Variants in PCDHGA5 observed in about 807,000 individuals in gnomAD.
PCDHGA5 encodes protocadherin gamma subfamily A, 5.
Under a neutral mutation model 56.7 loss-of-function variants are expected in PCDHGA5, and 36 were observed. That is an observed-to-expected ratio of 0.64 (90% CI 0.49 to 0.84). The LOEUF is 0.84. Ranked by LOEUF, PCDHGA5 falls within the 40% of genes least tolerant of loss-of-function variation. The pLI, the probability that PCDHGA5 is intolerant of heterozygous loss-of-function variation, is 0.00. For synonymous variants in PCDHGA5, 563 were observed against 520.2 expected (o/e 1.08, Z -1.12); for missense variants, 1,305 against 1,201.5 (o/e 1.09, Z -1.27).
intron 1 of PCDHGA5, chr5:141,367,307 G>A (rs540487021): frequency 1.3e-5 from 2 of 152,792 alleles, no homozygotes; most frequent in Non-Finnish European, 2.9e-5. Flanking sequence ...GGGAGGCTGA[G>A]GTGGGCGGAT....
chr5:141,372,313 A>G (rs774275406), intron 1 of PCDHGA5: 5 of 1,613,456 alleles, frequency 3.1e-6, no homozygotes, highest in Middle Eastern at 1.6e-4. Flanking sequence ...GCCGCCCGCC[A>G]GCGCCTGCTG....
At chr5:141,415,135 G>A (rs1224251849) in intron 1 of PCDHGA5, 7 of 1,613,666 alleles carry the variant, frequency 4.3e-6, no homozygotes, top group East Asian at 2.2e-5. Flanking sequence ...CCAGGACCAC[G>A]GCCAGCCCCC....
chr5:141,371,124 C>G, intron 1 of PCDHGA5: 1 of 1,613,998 alleles, frequency 6.2e-7, no homozygotes, highest in Non-Finnish European at 8.5e-7. Context: ...AGTATTTACT[C>G]AGGACATGTA....
chr5:141,493,206 C>A lies in PCDHGA5; in HGVS notation c.2422-1601C>A, dbSNP rs191090598. Among the ~76,000 whole-genome samples the A allele has an allele frequency of 2.4e-3, 368 of 152,322 alleles. 2 individuals carry two copies. Among genetic ancestry groups the A allele is most frequent in the Admixed American group, 4.5e-3 (69 of 15,296 alleles). On this transcript the variant is annotated intron_variant, in intron 1 of 3. Transcript: ENST00000518069. This position sits in a 1 kb window ranked among gnomAD's most constrained non-coding sequence, Gnocchi z 4.3. ...TATAACTCCTTTGAGAACCTCATCT[C>A]ATTTGCTCTTCCCACCATTGCTGTT...
intron 1 of PCDHGA5, chr5:141,412,659 C>T (rs1013218327): frequency 7.9e-5 from 12 of 152,212 alleles, no homozygotes; most frequent in African/African-American, 2.4e-4. Flanking sequence ...TACCTAGACA[C>T]TAATATGACC....
At chr5:141,374,443 A>C (rs886695991) in intron 1 of PCDHGA5, 1 of 1,613,842 alleles carries the variant, frequency 6.2e-7, no homozygotes. Context: ...ATCCCGTGGA[A>C]GTGGAAATAG....
chr5:141,487,919 A>G lies in PCDHGA5; in HGVS notation c.2422-6888A>G, dbSNP rs548678238. ...ATGGAATGTGGGAGCACAGGAGGCTACAGTGCACAGGGTACAGTGCACCAG... is the reference window on the plus strand; with the variant it reads ...ATGGAATGTGGGAGCACAGGAGGCTGCAGTGCACAGGGTACAGTGCACCAG... On this transcript the variant is annotated intron_variant, in intron 1 of 3. Transcript: ENST00000518069. The surrounding 1 kb of genome is among the most constrained non-coding windows in gnomAD (Gnocchi z 5.0). 23 of 644,878 alleles carry G rather than the reference A, an allele frequency of 3.6e-5. No individual in the cohort carries two copies. Among genetic ancestry groups the G allele is most frequent in the Non-Finnish European group, 5.6e-5 (21 of 374,374 alleles). 39.9% of individuals were successfully genotyped at this position (644,878 alleles called of 1,614,324 possible). A position where few individuals can be genotyped will look rare whatever the true frequency, so the allele number is the denominator to read the frequency against.
At chr5:141,427,529 G>A (rs1464520351) in intron 1 of PCDHGA5, 1 of 619,898 alleles carries the variant, frequency 1.6e-6, no homozygotes, top group African/African-American at 1.8e-5. Context: ...GGATCCCGGA[G>A]TACAACGTCA....
At chr5:141,398,882 G>C in intron 1 of PCDHGA5, 1 of 1,613,930 alleles carries the variant, frequency 6.2e-7, no homozygotes, top group Non-Finnish European at 8.5e-7. Flanking sequence ...GTCAGCCTTC[G>C]GGAAAACGTG....
chr5:141,490,363 C>A lies in PCDHGA5; in HGVS notation c.2422-4444C>A. The A allele has an allele frequency of 6.2e-7, 1 of 1,614,154 alleles. No individual in the cohort carries two copies. Among genetic ancestry groups the A allele is most frequent in the South Asian group, 1.1e-5 (1 of 91,078 alleles). On this transcript the variant is annotated intron_variant, in intron 1 of 3. Coordinates refer to ENST00000518069, the MANE Select transcript of PCDHGA5 (RefSeq NM_018918.3). The surrounding 1 kb of genome is among the most constrained non-coding windows in gnomAD (Gnocchi z 5.4). Reference sequence around the variant, plus strand: ...CACAGTAGTGGGGTTGTTTAATGTGCGAGACCGGGACTCAGGTAGAAATGG... The same window carrying A: ...CACAGTAGTGGGGTTGTTTAATGTGAGAGACCGGGACTCAGGTAGAAATGG...
chr5:141,421,322 T>TC (rs761059925), intron 1 of PCDHGA5: 24 of 1,613,746 alleles, frequency 1.5e-5, no homozygotes, highest in Middle Eastern at 1.6e-4. Flanking sequence ...GCCAGGCAGA[T>TC]CCGATATTCG....
At chr5:141,384,666 C>T in intron 1 of PCDHGA5, 1 of 1,614,220 alleles carries the variant, frequency 6.2e-7, no homozygotes, top group Non-Finnish European at 8.5e-7. Flanking sequence ...ACCTGGTGAC[C>T]AAGGTGGTGG....
At chr5:141,423,659 A>G in intron 1 of PCDHGA5, 2 of 1,551,038 alleles carry the variant, frequency 1.3e-6, no homozygotes, top group Non-Finnish European at 1.7e-6. Flanking sequence ...ACAAGTAATC[A>G]GGTGAGATTT....
intron 1 of PCDHGA5, chr5:141,390,367 T>C (rs2092130153): frequency 6.6e-7 from 1 of 1,518,766 alleles, no homozygotes; most frequent in African/African-American, 1.4e-5. Flanking sequence ...TGCAGGAAAA[T>C]ATATAATTTT....
At chr5:141,459,874 A>G (rs922438277) in intron 1 of PCDHGA5, among the ~76,000 whole-genome samples, 10 of 152,156 alleles carry the variant, frequency 6.6e-5, no homozygotes, top group African/African-American at 2.4e-4. Flanking sequence ...TTCATCTTTA[A>G]CTGAGCTGAA....
chr5:141,499,725 C>T (rs554409998), intron 2 of PCDHGA5, among the ~76,000 whole-genome samples: 3 of 138,474 alleles, frequency 2.2e-5, no homozygotes, highest in African/African-American at 5.4e-5. Context: ...GACAGAGTCT[C>T]ACTCTCTTGC....
In PCDHGA5 at chr5:141,485,076, G is replaced by A; in HGVS notation, c.2422-9731G>A. 2.1e-6 allele frequency: 2 copies of A among 944,586 alleles called. No homozygotes were observed. Among genetic ancestry groups the A allele is most frequent in the East Asian group, 2.4e-5 (1 of 41,508 alleles). The allele number at this position is 944,586 out of a possible 1,614,324, so 58.5% of individuals were successfully genotyped here. ...CCGAACCGCGCCAGAGCTGGCGCGG[G>A]GAAAGGGAGATAGGTGTCTCCAGCT... On this transcript the variant is annotated intron_variant, in intron 1 of 3. Coordinates refer to ENST00000518069, the MANE Select transcript of PCDHGA5 (RefSeq NM_018918.3). This position sits in a 1 kb window ranked among gnomAD's most constrained non-coding sequence, Gnocchi z 5.7.
rs573785314 is a variant in PCDHGA5 at position 141,435,382 on chromosome 5, C to T, written c.2422-59425C>T. 2.0e-5 allele frequency among the ~76,000 whole-genome samples: 3 copies of T among 152,034 alleles called. No homozygotes were observed. In the East Asian group the frequency reaches 5.8e-4, roughly 29 times the overall value. ...TTTATCACTTAAATATACAATATAC[C>T]GTATTGCCATGACGAAAAATGGTAA... On this transcript the variant is annotated intron_variant, in intron 1 of 3. Transcript: ENST00000518069.
At chr5:141,423,485 C>T (rs752918607) in intron 1 of PCDHGA5, 30 of 1,613,840 alleles carry the variant, frequency 1.9e-5, no homozygotes, top group Non-Finnish European at 2.2e-5. Context: ...TTCCTGCAAA[C>T]CTATTCCCAC....
Sources: gnomAD v4.1 joint callset for allele counts (sites outside exome capture counted in the v4.1 genomes callset) on GRCh38, gnomAD v4.1.1 for gene constraint, Gnocchi (gnomAD v3.1) non-coding constraint, MANE v1.5 for transcripts, NCBI Gene and HGNC (gene_info 2026-07-23, HGNC 2026-07-21) for gene names.